ZNF470: variants seen among roughly 807,000 people sequenced by gnomAD.
ZNF470 encodes zinc finger protein 470.
ZNF470 carries 13 observed loss-of-function variants against 13.9 expected under a neutral mutation model. The ratio of observed to expected loss-of-function variants is 0.94; its 90% CI spans 0.61 to 1.49. ZNF470 has a LOEUF of 1.49. Among genes scored for constraint, ZNF470 ranks in the 40% most tolerant of loss-of-function variants. ZNF470 has a pLI of 0.00. For synonymous variants in ZNF470, 293 were observed against 282.9 expected (o/e 1.04, Z -0.36); for missense variants, 929 against 857.3 (o/e 1.08, Z -1.04).
At chr19:56,574,765 T>C (rs2044477968) in intron 5 of ZNF470, 32 bp downstream of exon 5, 2 of 1,572,738 alleles carry the variant, frequency 1.3e-6, no homozygotes, top group Non-Finnish European at 1.7e-6. Flanking sequence ...ATAAAGGAAC[T>C]GTTCTCAACA....
rs767746225 is a variant in ZNF470 at position 56,577,834 on chromosome 19, A to G, written c.1405A>G (p.Thr469Ala). The G allele has an allele frequency of 6.2e-7, 1 of 1,612,236 alleles. No homozygotes were observed. Among genetic ancestry groups the G allele is most frequent in the Non-Finnish European group, 8.5e-7 (1 of 1,179,452 alleles). The change falls in exon 6 of 6, where the codon ACT becomes GCT. Residue 469 changes from threonine (T) to alanine (A), a missense_variant. By Grantham distance (58) the Thr-to-Ala change is moderately conservative. Coordinates refer to ENST00000330619, the MANE Select transcript of ZNF470 (RefSeq NM_001001668.4). Reference protein sequence around the residue: ...EKAFSHRGSLTLHQRVHTGEK... With the variant: ...EKAFSHRGSLALHQRVHTGEK... ...AGCCTTCAGCCATCGTGGGTCTCTT[A>G]CTCTTCATCAGAGAGTTCATACTGG... is the stretch of plus-strand genomic sequence containing the variant.
chr19:56,578,569 C>T lies in ZNF470; in HGVS notation c.2140C>T (p.His714Tyr). 2 of 1,540,202 alleles carry T rather than the reference C, an allele frequency of 1.3e-6. No individual in the cohort carries two copies. The highest frequency in any genetic ancestry group is 2.1e-5 in the Admixed American group (1 of 48,684). The change falls in exon 6 of 6, where the codon CAC becomes TAC. Residue 714 changes from histidine (H) to tyrosine (Y), a missense_variant. Physicochemically the swap from His to Tyr is moderately conservative, Grantham distance 83. Coordinates refer to ENST00000330619, the MANE Select transcript of ZNF470 (RefSeq NM_001001668.4). ...TATTCTCTCCTCTGCCCTCCCATAC[C>T]ACCAAGTCCTATAGATTCAATCTCG... ...SVILSSALPY[H>Y]QVL is the part of the protein sequence containing the mutation.
chr19:56,571,571 A>G (rs564372971), intron 3 of ZNF470, among the ~76,000 whole-genome samples: 19 of 152,188 alleles, frequency 1.2e-4, no homozygotes, highest in African/African-American at 4.6e-4. Flanking sequence ...AGAAAATTAA[A>G]ATTTTTAAAA....
rs753497638 is a variant in ZNF470 at position 56,578,026 on chromosome 19, G to A, written c.1597G>A (p.Gly533Arg). The change falls in exon 6 of 6, where the codon GGG becomes AGG. Residue 533 changes from glycine (G) to arginine (R), a missense_variant. By Grantham distance (125) the Gly-to-Arg change is moderately radical. Coordinates refer to ENST00000330619, the MANE Select transcript of ZNF470 (RefSeq NM_001001668.4). ...CGCGCAACATCAGAAAATACACACT[G>A]GGGAGAAACCTTATGAATGTAAGGA... ...HLAQHQKIHT[G>R]EKPYECKECG... is the part of the protein sequence containing the mutation. 3.4e-5 allele frequency: 55 copies of A among 1,613,232 alleles called. No individual in the cohort carries two copies. The highest frequency in any genetic ancestry group is 4.6e-5 in the Non-Finnish European group (54 of 1,179,498).
At chr19:56,574,282 T>C in intron 3 of ZNF470, 112 bp from the exon 4 acceptor site, 1 of 1,500,366 alleles carries the variant, frequency 6.7e-7, no homozygotes, top group Middle Eastern at 1.7e-4. Flanking sequence ...TTAGTGCAGT[T>C]ACTTATACAT....
chr19:56,570,394 C>T lies in ZNF470; in HGVS notation c.60+23C>T, dbSNP rs770690777. 6 of 1,611,908 alleles carry T rather than the reference C, an allele frequency of 3.7e-6. No homozygotes were observed. The South Asian group carries it at 6.6e-5, about 18-fold the overall frequency. Reference sequence around the variant, plus strand: ...CTGGTGAGTTAGTATTCCCCCTCTCCCCACTAAAATAGTTTTGCTTTTCTG... The same window carrying T: ...CTGGTGAGTTAGTATTCCCCCTCTCTCCACTAAAATAGTTTTGCTTTTCTG... On this transcript the variant is annotated intron_variant, in intron 3 of 5. Transcript: ENST00000330619.
rs2044424065 is a variant in ZNF470 at position 56,568,046 on chromosome 19, TG to T, written c.-159+9del. Reference sequence around the variant, plus strand: ...TGGGGACTGAGTACACAGGTAAGAGTGACAGATGACGGATGTGGCTGCCGGA... The same window carrying T: ...TGGGGACTGAGTACACAGGTAAGAGTACAGATGACGGATGTGGCTGCCGGA... On this transcript the variant is annotated intron_variant, in intron 1 of 5. Coordinates refer to ENST00000330619, the MANE Select transcript of ZNF470 (RefSeq NM_001001668.4). 1.0e-6 allele frequency: 1 copy of T among 985,516 alleles called. No homozygotes were observed. The highest frequency in any genetic ancestry group is 1.2e-6 in the Non-Finnish European group (1 of 830,092). 61.0% of individuals were successfully genotyped at this position (985,516 alleles called of 1,614,324 possible). A position where few individuals can be genotyped will look rare whatever the true frequency, so the allele number is the denominator to read the frequency against.
In ZNF470 at chr19:56,582,014, A is replaced by G. The variant is rs757822897; in HGVS notation, c.*3431A>G. ...GCCTCCTGTTGGTCAGTTGCTTGCA[A>G]GTAAAGAAACAATCATACAGAATTT... On this transcript the variant is annotated 3_prime_UTR_variant, in exon 6 of 6. Transcript: ENST00000330619. 4 of 985,412 alleles carry G rather than the reference A, an allele frequency of 4.1e-6. No homozygotes were observed. Among genetic ancestry groups the G allele is most frequent in the African/African-American group, 1.7e-5 (1 of 57,334 alleles). 61.0% of individuals were successfully genotyped at this position (985,412 alleles called of 1,614,324 possible). A position where few individuals can be genotyped will look rare whatever the true frequency, so the allele number is the denominator to read the frequency against.
In ZNF470 at chr19:56,581,193, A is replaced by G. The variant is rs1331446394; in HGVS notation, c.*2610A>G. On this transcript the variant is annotated 3_prime_UTR_variant, in exon 6 of 6. Transcript: ENST00000330619. ...ACCAATAATAATCTGCAACTTAGAA[A>G]AATGGACTAATGTCCCATTCACAAA... 3.3e-5 allele frequency: 22 copies of G among 670,290 alleles called. No individual in the cohort carries two copies. The highest frequency in any genetic ancestry group is 4.1e-5 in the Non-Finnish European group (22 of 542,720). 41.5% of individuals were successfully genotyped at this position (670,290 alleles called of 1,614,324 possible). A position where few individuals can be genotyped will look rare whatever the true frequency, so the allele number is the denominator to read the frequency against.
Position 56,576,719 on chromosome 19 carries a change from A to C in ZNF470, c.290A>C (p.Glu97Ala). Reference protein sequence around the residue: ...GMNRGLCPDLECVWVTKSLSL... With the variant: ...GMNRGLCPDLACVWVTKSLSL... Reference sequence around the variant, plus strand: ...CTTTCTTAATATCTTTCAGACTTGGAGTGTGTGTGGGTGACCAAATCATTA... The same window carrying C: ...CTTTCTTAATATCTTTCAGACTTGGCGTGTGTGTGGGTGACCAAATCATTA... The change falls in exon 6 of 6, where the codon GAG (glutamate) becomes GCG (alanine). Residue 97 changes from glutamate (E) to alanine (A), a missense_variant. Glu to Ala is a moderately radical substitution (Grantham distance 107, BLOSUM62 -1). Coordinates refer to ENST00000330619, the MANE Select transcript of ZNF470 (RefSeq NM_001001668.4). 7.1e-7 allele frequency: 1 copy of C among 1,402,828 alleles called. No homozygotes were observed. The highest frequency in any genetic ancestry group is 9.3e-7 in the Non-Finnish European group (1 of 1,072,440). 86.9% of individuals were successfully genotyped at this position (1,402,828 alleles called of 1,614,324 possible).
chr19:56,572,371 A>AAAAAAAT (rs2044459428), intron 3 of ZNF470, among the ~76,000 whole-genome samples: 4 of 17,240 alleles, frequency 2.3e-4, no homozygotes, highest in African/African-American at 1.7e-3. Context: ...AAAAAAAAAA[A>AAAAAAAT]ATATATATAT....
rs1290322853 is a variant in ZNF470 at position 56,574,492 on chromosome 19, A to G, written c.159A>G (p.Leu53=). 1 of 1,613,952 alleles carries G rather than the reference A, an allele frequency of 6.2e-7. No homozygotes were observed. ...GAAGTTTGTACAAGAAGGTGATGTTAGAAAACTACAGGAACCTAGTTTCAG... is the reference window on the plus strand; with the variant it reads ...GAAGTTTGTACAAGAAGGTGATGTTGGAAAACTACAGGAACCTAGTTTCAG... ...AQRSLYKKVM[L]ENYRNLVSVG... Residue 53 remains leucine, a synonymous_variant, in exon 4 of 6, where the codon TTA becomes TTG. Coordinates refer to ENST00000330619, the MANE Select transcript of ZNF470 (RefSeq NM_001001668.4).
intron 3 of ZNF470, 189 bp from the exon 4 acceptor site, chr19:56,574,205 A>T: frequency 1.0e-6 from 1 of 969,012 alleles, no homozygotes; most frequent in Admixed American, 1.8e-5. Context: ...TCTTTTTCCT[A>T]ATATGTACAG....
Position 56,581,108 on chromosome 19 carries a change from A to C in ZNF470, c.*2525A>C. On this transcript the variant is annotated 3_prime_UTR_variant, in exon 6 of 6. Transcript: ENST00000330619. ...ATAGATAAATGAGAGACTGACACAA[A>C]GTGTTTGCAACAGATATAATAAAGG... 1 of 961,442 alleles carries C rather than the reference A, an allele frequency of 1.0e-6. No individual in the cohort carries two copies. The highest frequency in any genetic ancestry group is 1.2e-6 in the Non-Finnish European group (1 of 808,142). 59.6% of individuals were successfully genotyped at this position (961,442 alleles called of 1,614,324 possible).
At position 56,577,066 on chromosome 19, in the gene ZNF470, TCA is replaced by T; in HGVS notation, c.638_639del (p.Ser213CysfsTer18). On this transcript the variant is annotated frameshift_variant, in exon 6 of 6. Coordinates refer to ENST00000330619, the MANE Select transcript of ZNF470 (RefSeq NM_001001668.4). LOFTEE classifies it low-confidence loss of function (END_TRUNC). ...AGATAAGAAAAGCTTAAAAACACATTCAGTTGTGAAAAAACACAAGCAAGACC... is the reference window on the plus strand; with the variant it reads ...AGATAAGAAAAGCTTAAAAACACATTGTTGTGAAAAAACACAAGCAAGACC... ...HTDKKSLKTH[S>X]VVKKHKQDRG... The T allele has an allele frequency of 6.3e-7, 1 of 1,592,930 alleles. No homozygotes were observed. The highest frequency in any genetic ancestry group is 8.5e-7 in the Non-Finnish European group (1 of 1,173,888).
At position 56,579,833 on chromosome 19, in the gene ZNF470, TA is replaced by T; in HGVS notation, c.*1255del. 4 of 806,390 alleles carry T rather than the reference TA, an allele frequency of 5.0e-6. No homozygotes were observed. Among genetic ancestry groups the T allele is most frequent in the Non-Finnish European group, 6.0e-6 (4 of 667,106 alleles). 50.0% of individuals were successfully genotyped at this position (806,390 alleles called of 1,614,324 possible). A position where few individuals can be genotyped will look rare whatever the true frequency, so the allele number is the denominator to read the frequency against. ...AATTGTAAATTCATTGATATTCCAGTAAAAATTTCCATATTTTTTTAGTTGA... is the reference window on the plus strand; with the variant it reads ...AATTGTAAATTCATTGATATTCCAGTAAAATTTCCATATTTTTTTAGTTGA... On this transcript the variant is annotated 3_prime_UTR_variant, in exon 6 of 6. Coordinates refer to ENST00000330619, the MANE Select transcript of ZNF470 (RefSeq NM_001001668.4).
At chr19:56,572,378 A>ATATG (rs2044460374) in intron 3 of ZNF470, among the ~76,000 whole-genome samples, 1 of 95,706 alleles carries the variant, frequency 1.0e-5, no homozygotes, top group Middle Eastern at 4.2e-3. Context: ...AAAAATATAT[A>ATATG]TATATATATA....
chr19:56,577,673 A>G lies in ZNF470; in HGVS notation c.1244A>G (p.His415Arg), dbSNP rs2044501267. 5.0e-6 allele frequency: 8 copies of G among 1,611,238 alleles called. No individual in the cohort carries two copies. Among genetic ancestry groups the G allele is most frequent in the Non-Finnish European group, 6.8e-6 (8 of 1,177,674 alleles). ...AFTDHIGLIQ[H>R]KRTHTGERPY... ...ACTGATCACATAGGACTTATTCAGC[A>G]TAAGAGAACTCATACTGGAGAGAGA... Residue 415 changes from histidine to arginine, a missense_variant, in exon 6 of 6, where the codon CAT becomes CGT. Transcript: ENST00000330619.
In ZNF470 at chr19:56,579,277, C is replaced by A; in HGVS notation, c.*694C>A. 1 of 625,636 alleles carries A rather than the reference C, an allele frequency of 1.6e-6. No individual in the cohort carries two copies. The highest frequency in any genetic ancestry group is 2.0e-6 in the Non-Finnish European group (1 of 501,932). The allele number at this position is 625,636 out of a possible 1,614,324, so 38.8% of individuals were successfully genotyped here. On this transcript the variant is annotated 3_prime_UTR_variant, in exon 6 of 6. Transcript: ENST00000330619. ...TCTCTACAAAAAATACAGAAATTAG[C>A]CAGGCGTGGTGGTGCACACCTGTAG...
Sources: gnomAD v4.1 joint callset for allele counts (sites outside exome capture counted in the v4.1 genomes callset) on GRCh38, gnomAD v4.1.1 for gene constraint, MANE v1.5 for transcripts, NCBI Gene and HGNC (gene_info 2026-07-23, HGNC 2026-07-21) for gene names.